The following ADCY4 variants were observed in gnomAD, a reference collection of about 807,000 sequenced individuals.
ADCY4 encodes the protein adenylate cyclase 4, also known as adenylate cyclase type 4.
In ADCY4, 111 loss-of-function variants were observed where a neutral mutation model predicts 125.5. The observed-to-expected ratio is 0.88, with a 90% CI of 0.76 to 1.04. The LOEUF (loss-of-function observed/expected upper bound fraction) is 1.04, where lower values mean the gene tolerates loss of function less well. Ranked by LOEUF, ADCY4 falls within the 50% of genes least tolerant of loss-of-function variation. The pLI is 0.00. For missense variants in ADCY4, 1,256 were observed against 1,382.9 expected (o/e 0.91, Z 1.46); for synonymous variants, 576 against 586.9 (o/e 0.98, Z 0.27).
chr14:24,326,546 C>T (rs145181910), intron 10 of ADCY4: 3 of 613,976 alleles, frequency 4.9e-6, no homozygotes, highest in East Asian at 2.8e-5. Flanking sequence ...AAGTTTCCCC[C>T]TGACTCTCTA....
rs772321077 is a variant in ADCY4, at chr14:24,332,776, T to C, written c.357+15A>G. ...CCCGGGCCGTCCCCGCTGCCCCGCC[T>C]GCCGCCCCTCTCACCTGGTCCCAGG... On this transcript the variant is annotated intron_variant, in intron 2 of 24. Transcript: ENST00000418030. 24 of 1,537,894 alleles carry C rather than the reference T, an allele frequency of 1.6e-5. No homozygotes were observed. The highest frequency in any genetic ancestry group is 1.8e-4 in the Middle Eastern group (1 of 5,688).
In ADCY4 at chr14:24,330,220, CT is replaced by C. The variant is rs1458968200; in HGVS notation, c.1005del (p.Asp336ThrfsTer104). The C allele has an allele frequency of 3.1e-6, 5 of 1,614,196 alleles. No individual in the cohort carries two copies. Among genetic ancestry groups the C allele is most frequent in the Non-Finnish European group, 4.2e-6 (5 of 1,180,028 alleles). ...YCVSGLPLSLPDHAINCVRMG... is the reference protein window; with the variant it reads ...YCVSGLPLSLXDHAINCVRMG... ...ATGCGCACGCAGTTGATGGCATGGT[CT>C]GGCAGTGAGAGTGGCAGCCCAGAGA... On this transcript the variant is annotated frameshift_variant, in exon 7 of 25. Transcript: ENST00000418030. LOFTEE classifies it high-confidence loss of function.
chr14:24,333,308 C>T (rs952066195), intron 1 of ADCY4, among the ~76,000 whole-genome samples: 1 of 152,148 alleles, frequency 6.6e-6, no homozygotes, highest in Non-Finnish European at 1.5e-5. Context: ...GCAACCTCTG[C>T]CTCCCGGGTT....
chr14:24,334,588 CTG>C lies in ADCY4; in HGVS notation c.63_64del (p.Tyr21Ter), dbSNP rs1341464235. ...CAGCAGCGGGTACTGCTGGCTCAGG[CTG>C]TAGTAGGTCTCGTAGAAGAGGTCTT... On this transcript the variant is annotated stop_gained and frameshift_variant, in exon 1 of 25. Coordinates refer to ENST00000418030, the MANE Select transcript of ADCY4 (RefSeq NM_001198568.2). LOFTEE classifies it high-confidence loss of function. 1.3e-6 allele frequency: 2 copies of C among 1,572,876 alleles called. No individual in the cohort carries two copies. The highest frequency in any genetic ancestry group is 2.3e-5 in the South Asian group (2 of 86,470).
At position 24,330,293 on chromosome 14, in the gene ADCY4, C is replaced by T; in HGVS notation, c.933G>A (p.Glu311=). Residue 311 remains glutamate (E), a splice_region_variant and synonymous_variant, in exon 7 of 25, where the codon GAG becomes GAA. Transcript: ENST00000418030. ...LFGKFDQIAK[E]HECMRIKILG... ...GGATCTTGATCCGCATGCATTCATG[C>T]TCCTGGGAGTGTGTATGTGGGTGTG... is the stretch of plus-strand genomic sequence containing the variant. 6.2e-7 allele frequency: 1 copy of T among 1,614,138 alleles called. No individual in the cohort carries two copies. The highest frequency in any genetic ancestry group is 1.1e-5 in the South Asian group (1 of 91,076).
Position 24,325,864 on chromosome 14 carries a change from A to T in ADCY4, c.1679T>A (p.Phe560Tyr). ...SQKQWKQSKD[F>Y]NPLTLYFREK... is the part of the protein sequence containing the mutation. ...TCTGAAGTACAGTGTCAGTGGGTTG[A>T]AGTCCTTCGACTGCTTCCACTGTCT... The change falls in exon 13 of 25, where the codon TTC becomes TAC. Residue 560 changes from phenylalanine to tyrosine, a missense_variant. By Grantham distance (22) the Phe-to-Tyr change is conservative (BLOSUM62 3). Coordinates refer to ENST00000418030, the MANE Select transcript of ADCY4 (RefSeq NM_001198568.2). 1 of 1,596,016 alleles carries T rather than the reference A, an allele frequency of 6.3e-7. No individual in the cohort carries two copies. The highest frequency in any genetic ancestry group is 1.1e-5 in the South Asian group (1 of 88,586).
Position 24,331,487 on chromosome 14 carries a change from T to C in ADCY4, c.670-131A>G, listed in dbSNP as rs3181257. ...AGGGTGCTCCCCCAGGTCCTCCCGC[T>C]GCACACAGCAGGGCCCCAGCACTCC... On this transcript the variant is annotated intron_variant, in intron 4 of 24. Transcript: ENST00000418030. 30,780 of 1,278,490 alleles carry C rather than the reference T, an allele frequency of 0.024. 2,792 individuals carry two copies. In the East Asian group the frequency reaches 0.29, roughly 12 times the overall value. 79.2% of individuals were successfully genotyped at this position (1,278,490 alleles called of 1,614,324 possible). A position where few individuals can be genotyped will look rare whatever the true frequency, so the allele number is the denominator to read the frequency against.
rs759179076 is a variant in ADCY4, at chr14:24,332,817, C to G, written c.331G>C (p.Gly111Arg). 2.5e-6 allele frequency: 4 copies of G among 1,571,110 alleles called. No individual in the cohort carries two copies. The highest frequency in any genetic ancestry group is 1.1e-5 in the South Asian group (1 of 87,904). ...LALGHAFLFTGGVVSAWDQVS... is the reference protein window; with the variant it reads ...LALGHAFLFTRGVVSAWDQVS... ...TGGTCCCAGGCGCTCACCACGCCCC[C>G]GGTGAACAGGAAGGCGTGGCCTAGC... is the stretch of plus-strand genomic sequence containing the variant. The change falls in exon 2 of 25, where the codon GGG becomes CGG. Residue 111 changes from glycine to arginine, a missense_variant. By Grantham distance (125) the Gly-to-Arg change is moderately radical. Transcript: ENST00000418030.
chr14:24,327,024 GT>G (rs2139210787), intron 10 of ADCY4, among the ~76,000 whole-genome samples: 1 of 150,378 alleles, frequency 6.6e-6, no homozygotes, highest in South Asian at 2.1e-4. Context: ...AGCCTCCTGA[GT>G]AGCTGGGATT....
Position 24,334,866 on chromosome 14 carries a change from T to G in ADCY4, c.-214A>C. The G allele has an allele frequency of 1.9e-6, 1 of 533,744 alleles. No homozygotes were observed. The highest frequency in any genetic ancestry group is 3.3e-6 in the Non-Finnish European group (1 of 303,894). 33.1% of individuals were successfully genotyped at this position (533,744 alleles called of 1,614,324 possible). Reference sequence around the variant, plus strand: ...GCGATGAGGGGATCCCTCAGTCCTTTCCTCCTCCTCCCTCAAACCCGGATT... The same window carrying G: ...GCGATGAGGGGATCCCTCAGTCCTTGCCTCCTCCTCCCTCAAACCCGGATT... On this transcript the variant is annotated 5_prime_UTR_variant, in exon 1 of 25. Transcript: ENST00000418030.
At chr14:24,323,196 AG>A in intron 17 of ADCY4, 108 bp from the exon 18 acceptor site, 2 of 1,422,148 alleles carry the variant, frequency 1.4e-6, no homozygotes, top group Non-Finnish European at 1.9e-6. Flanking sequence ...TCTGGGAGAC[AG>A]GGGGCATCAT....
rs933970760 is a variant in ADCY4 at position 24,329,519 on chromosome 14, G to T, written c.1232C>A (p.Thr411Lys). The T allele has an allele frequency of 6.5e-7, 1 of 1,539,422 alleles. No individual in the cohort carries two copies. The change falls in exon 9 of 25, where the codon ACA becomes AAA. Residue 411 changes from threonine (T) to lysine (K), a missense_variant. Thr to Lys is a moderately conservative substitution (Grantham distance 78, BLOSUM62 -1). Coordinates refer to ENST00000418030, the MANE Select transcript of ADCY4 (RefSeq NM_001198568.2). Reference sequence around the variant, plus strand: ...TGCCAGCAGGGCCAGGGTAGCCCCTGTGATGTGCACTCGCCTGGAAGGAGG... The same window carrying T: ...TGCCAGCAGGGCCAGGGTAGCCCCTTTGATGTGCACTCGCCTGGAAGGAGG... ...AGGVPGRVHI[T>K]GATLALLAGA...
chr14:24,324,498 A>G, intron 14 of ADCY4, 107 bp from the exon 15 acceptor site: 3 of 1,334,924 alleles, frequency 2.2e-6, no homozygotes, highest in East Asian at 2.5e-5. Context: ...GTTCTGGGGA[A>G]TCTGGGTTGG....
intron 5 of ADCY4, 33 bp downstream of exon 5, chr14:24,331,175 A>G (rs771766499): frequency 6.2e-7 from 1 of 1,613,628 alleles, no homozygotes; most frequent in Non-Finnish European, 8.5e-7. Context: ...CTTAGCCCAC[A>G]GGCCCCTCCC....
At chr14:24,321,440 G>C (rs772504619) in intron 20 of ADCY4, among the ~76,000 whole-genome samples, 1 of 151,538 alleles carries the variant, frequency 6.6e-6, no homozygotes, top group South Asian at 2.1e-4. Flanking sequence ...CAGCCTGAGC[G>C]ACGAGAGTGA....
chr14:24,325,608 C>A, intron 13 of ADCY4, 134 bp from the exon 14 acceptor site: 1 of 906,960 alleles, frequency 1.1e-6, no homozygotes, highest in Non-Finnish European at 1.7e-6. Flanking sequence ...TAGACCCTAC[C>A]AGTTCTCCAA....
At chr14:24,334,002 G>A (rs2042092678) in intron 1 of ADCY4, among the ~76,000 whole-genome samples, 1 of 152,218 alleles carries the variant, frequency 6.6e-6, no homozygotes, top group South Asian at 2.1e-4. Flanking sequence ...ACCAGGGGCA[G>A]GCCATTTCTA....
intron 10 of ADCY4, among the ~76,000 whole-genome samples, chr14:24,326,895 G>GTTTTTT (rs1319421096): frequency 2.1e-5 from 1 of 47,918 alleles, no homozygotes. Flanking sequence ...TACCTGGCTG[G>GTTTTTT]ATTTTTTTTT....
Position 24,332,329 on chromosome 14 carries a change from G to T in ADCY4, c.519+193C>A, listed in dbSNP as rs2042054445. 3 of 610,844 alleles carry T rather than the reference G, an allele frequency of 4.9e-6. No individual in the cohort carries two copies. In the African/African-American group the frequency reaches 5.7e-5, roughly 12 times the overall value. The allele number at this position is 610,844 out of a possible 1,614,324, so 37.8% of individuals were successfully genotyped here. On this transcript the variant is annotated intron_variant, in intron 3 of 24. Transcript: ENST00000418030. ...CCACGACACGACTCCCTTCCGTGTG[G>T]CCTGGATCCCTCTTCTGGTAACAGC...
Sources: gnomAD v4.1 joint callset for allele counts (sites outside exome capture counted in the v4.1 genomes callset) on GRCh38, gnomAD v4.1.1 for gene constraint, MANE v1.5 for transcripts, NCBI Gene and HGNC (gene_info 2026-07-23, HGNC 2026-07-21) for gene names.